CXCL12: variants seen among roughly 807,000 people sequenced by gnomAD.
CXCL12 encodes the protein C-X-C motif chemokine ligand 12, also known as stromal cell-derived factor 1.
In CXCL12, 4 loss-of-function variants were observed where a neutral mutation model predicts 10.7. The observed-to-expected ratio is 0.37, with a 90% CI of 0.18 to 0.86. The LOEUF (loss-of-function observed/expected upper bound fraction) is 0.86. Among genes scored for constraint, CXCL12 ranks in the 40% least tolerant of loss-of-function variants. CXCL12 has a pLI of 0.43. For missense variants in CXCL12, 122 were observed against 110.4 expected, an observed-to-expected ratio of 1.10 and a Z score of -0.47; for synonymous variants, 54 against 45.4, an observed-to-expected ratio of 1.19 and a Z score of -0.77.
downstream of CXCL12, among the ~76,000 whole-genome samples, chr10:44,376,451 G>A (rs559097535): frequency 6.6e-6 from 1 of 152,320 alleles, no homozygotes; most frequent in Non-Finnish European, 1.5e-5. Flanking sequence ...AGAAATGTCT[G>A]CATTTCAAAT....
intron 1 of CXCL12, among the ~76,000 whole-genome samples, chr10:44,381,155 C>T (rs1361883049): frequency 2.0e-5 from 3 of 152,198 alleles, no homozygotes; most frequent in African/African-American, 7.2e-5. Context: ...TAGAAGCCAC[C>T]TGCTCAGTGT....
At position 44,377,513 on chromosome 10, in the gene CXCL12, C is replaced by T; in HGVS notation, c.*1120G>A. ...TGGAAATGTCACCTTGCCAACAGTT[C>T]TGATTGGAACCTGAAACCCTGCTGT... On this transcript the variant is annotated 3_prime_UTR_variant, in exon 3 of 3. Coordinates refer to ENST00000343575, the MANE Select transcript of CXCL12 (RefSeq NM_199168.4). 7.2e-7 allele frequency: 1 copy of T among 1,395,154 alleles called. No homozygotes were observed. Among genetic ancestry groups the T allele is most frequent in the Admixed American group, 3.2e-5 (1 of 31,718 alleles). The allele number at this position is 1,395,154 out of a possible 1,614,324, so 86.4% of individuals were successfully genotyped here. A position where few individuals can be genotyped will look rare whatever the true frequency, so the allele number is the denominator to read the frequency against.
chr10:44,376,631 G>A (rs367785244), downstream of CXCL12, among the ~76,000 whole-genome samples: 3 of 152,296 alleles, frequency 2.0e-5, no homozygotes, highest in African/African-American at 7.2e-5. Flanking sequence ...AATTTTATTA[G>A]AGCAACTGGC....
At chr10:44,374,727 T>C (rs1564458903), downstream of CXCL12, 1 of 454,428 alleles carries the variant, frequency 2.2e-6, no homozygotes, top group Non-Finnish European at 4.4e-6. Context: ...TTCTCCTGAA[T>C]TCCATGTGCT....
downstream of CXCL12, chr10:44,375,787 G>T: frequency 7.0e-7 from 1 of 1,424,880 alleles, no homozygotes; most frequent in Non-Finnish European, 9.3e-7. Flanking sequence ...TACAGAAGCC[G>T]GTGTGGCTGG....
downstream of CXCL12, chr10:44,374,177 T>C (rs1144471): frequency 3.9e-5 from 13 of 335,904 alleles, no homozygotes; most frequent in East Asian, 1.5e-4. Flanking sequence ...AGGAGTGGGA[T>C]AGCAAGCAGT....
In CXCL12 at chr10:44,377,465, C is replaced by T. The variant is rs915402643; in HGVS notation, c.*1168G>A. On this transcript the variant is annotated 3_prime_UTR_variant, in exon 3 of 3. Coordinates refer to ENST00000343575, the MANE Select transcript of CXCL12 (RefSeq NM_199168.4). ...AAAAAGTTACAAATACCACCAGGACCTTCTGTGGATCGCATTTATGCATGG... is the reference window on the plus strand; with the variant it reads ...AAAAAGTTACAAATACCACCAGGACTTTCTGTGGATCGCATTTATGCATGG... 7.9e-6 allele frequency: 10 copies of T among 1,261,584 alleles called. 1 individual carries two copies. In the South Asian group the frequency reaches 2.0e-4, roughly 25 times the overall value. 78.1% of individuals were successfully genotyped at this position (1,261,584 alleles called of 1,614,324 possible).
In CXCL12 at chr10:44,377,565, T is replaced by C. The variant is rs1839492851; in HGVS notation, c.*1068A>G. 2 of 1,460,726 alleles carry C rather than the reference T, an allele frequency of 1.4e-6. No homozygotes were observed. The highest frequency in any genetic ancestry group is 1.4e-5 in the South Asian group (1 of 70,474). 90.5% of individuals were successfully genotyped at this position (1,460,726 alleles called of 1,614,324 possible). Reference sequence around the variant, plus strand: ...GCTTCAGGAGGGGGTAGTGGCAAGATGATGGTTTATTCACTGATTTTTTCG... The same window carrying C: ...GCTTCAGGAGGGGGTAGTGGCAAGACGATGGTTTATTCACTGATTTTTTCG... On this transcript the variant is annotated 3_prime_UTR_variant, in exon 3 of 3. Transcript: ENST00000343575.
chr10:44,377,618 G>A lies in CXCL12; in HGVS notation c.*1015C>T, dbSNP rs1191240858. On this transcript the variant is annotated 3_prime_UTR_variant, in exon 3 of 3. Coordinates refer to ENST00000343575, the MANE Select transcript of CXCL12 (RefSeq NM_199168.4). ...TCTGATTTCGGAAACCTCAGAGTTT[G>A]TTAGTGCCTCCATGGCATACATAGG... 2.0e-6 allele frequency: 3 copies of A among 1,518,874 alleles called. No homozygotes were observed. The highest frequency in any genetic ancestry group is 1.4e-5 in the African/African-American group (1 of 72,218). The allele number at this position is 1,518,874 out of a possible 1,614,324, so 94.1% of individuals were successfully genotyped here. A position where few individuals can be genotyped will look rare whatever the true frequency, so the allele number is the denominator to read the frequency against.
At chr10:44,380,563 C>A in intron 2 of CXCL12, 200 bp downstream of exon 2, 1 of 594,202 alleles carries the variant, frequency 1.7e-6, no homozygotes, top group Non-Finnish European at 3.0e-6. Context: ...GGTGCCCAGG[C>A]CAAGAGCGGC....
intron 1 of CXCL12, 104 bp downstream of exon 1, chr10:44,384,841 C>T (rs1839748958): frequency 2.6e-6 from 3 of 1,171,578 alleles, no homozygotes; most frequent in Non-Finnish European, 3.5e-6. Context: ...CCCACTGTGT[C>T]GGGCGGCGCA....
At chr10:44,380,919 G>A (rs773358060) in intron 1 of CXCL12, 39 bp from the exon 2 acceptor site, 1 of 1,560,432 alleles carries the variant, frequency 6.4e-7, no homozygotes, top group African/African-American at 1.4e-5. Context: ...TTACTACCCT[G>A]CCAGATTTTG....
chr10:44,371,475 A>G, downstream of CXCL12: 3 of 302,156 alleles, frequency 9.9e-6, no homozygotes, highest in South Asian at 8.2e-5. Flanking sequence ...GTTTTGAAAG[A>G]GTTCTGTATC....
downstream of CXCL12, chr10:44,373,202 G>C: frequency 2.6e-6 from 4 of 1,546,022 alleles, no homozygotes; most frequent in Non-Finnish European, 3.5e-6. Context: ...GGCAAAGTGT[G>C]CAAAACAAAG....
chr10:44,378,635 A>T lies in CXCL12; in HGVS notation c.268T>A (p.Ter90LysextTer10). The part of the protein sequence containing the change: ...QEYLEKALNK[*>K] ...AAAGTCCTTTTTGGCTGTTGTGCTTACTTGTTTAAAGCTTTCTCCAGGTAC... is the reference window on the plus strand; with the variant it reads ...AAAGTCCTTTTTGGCTGTTGTGCTTTCTTGTTTAAAGCTTTCTCCAGGTAC... Residue 90 changes from the stop codon to lysine, a stop_lost, in exon 3 of 3, where the codon TAA becomes AAA. Coordinates refer to ENST00000343575, the MANE Select transcript of CXCL12 (RefSeq NM_199168.4). The T allele has an allele frequency of 6.2e-7, 1 of 1,614,102 alleles. No homozygotes were observed. Among genetic ancestry groups the T allele is most frequent in the Non-Finnish European group, 8.5e-7 (1 of 1,180,024 alleles).
At chr10:44,381,669 C>T (rs756346450) in intron 1 of CXCL12, among the ~76,000 whole-genome samples, 7 of 152,204 alleles carry the variant, frequency 4.6e-5, no homozygotes, top group African/African-American at 1.7e-4. Flanking sequence ...TAGCAAGGGG[C>T]TCCTGCAGAA....
intron 1 of CXCL12, among the ~76,000 whole-genome samples, chr10:44,384,713 C>A (rs991097169): frequency 1.8e-4 from 27 of 152,248 alleles, no homozygotes; most frequent in African/African-American, 5.5e-4. Context: ...TGACCTCGCT[C>A]TGCAGCCAGC....
chr10:44,378,239 A>G lies in CXCL12; in HGVS notation c.*394T>C, dbSNP rs1202230553. 6.8e-7 allele frequency: 1 copy of G among 1,460,106 alleles called. No homozygotes were observed. Among genetic ancestry groups the G allele is most frequent in the Admixed American group, 1.9e-5 (1 of 51,442 alleles). The allele number at this position is 1,460,106 out of a possible 1,614,324, so 90.4% of individuals were successfully genotyped here. A position where few individuals can be genotyped will look rare whatever the true frequency, so the allele number is the denominator to read the frequency against. On this transcript the variant is annotated 3_prime_UTR_variant, in exon 3 of 3. Coordinates refer to ENST00000343575, the MANE Select transcript of CXCL12 (RefSeq NM_199168.4). ...CCAGGGGAGCAGAGGAGATGCTCCA[A>G]ACAAGCCAAATTCAGATCTTGAAGT...
At chr10:44,381,970 G>A (rs1839646253) in intron 1 of CXCL12, among the ~76,000 whole-genome samples, 1 of 152,108 alleles carries the variant, frequency 6.6e-6, no homozygotes, top group African/African-American at 2.4e-5. Flanking sequence ...TGGGGAAGTA[G>A]GAGGAAATCT....
Sources: gnomAD v4.1 joint callset for allele counts (sites outside exome capture counted in the v4.1 genomes callset) on GRCh38, gnomAD v4.1.1 for gene constraint, MANE v1.5 for transcripts, NCBI Gene and HGNC (gene_info 2026-07-23, HGNC 2026-07-21) for gene names.